The following ZNRF3 variants were observed in gnomAD, a reference collection of about 807,000 sequenced individuals.
The protein encoded by ZNRF3 is zinc and ring finger 3.
Under a neutral mutation model 72.5 loss-of-function variants are expected in ZNRF3, and 23 were observed. The ratio of observed to expected loss-of-function variants is 0.32; its 90% CI spans 0.23 to 0.45. The LOEUF (loss-of-function observed/expected upper bound fraction) is 0.45. Among genes scored for constraint, ZNRF3 ranks in the 20% least tolerant of loss-of-function variants. ZNRF3 has a pLI of 1.00. For missense variants in ZNRF3, 1,169 were observed against 1,272.1 expected, an observed-to-expected ratio of 0.92 and a Z score of 1.23; for synonymous variants, 610 against 545.3, an observed-to-expected ratio of 1.12 and a Z score of -1.65.
In ZNRF3 at chr22:29,030,899, C is replaced by T. The variant is rs1370711164; in HGVS notation, c.427-11596C>T. ...GTGGCTTCAGCGCTTTGATCTCCTG[C>T]CAGGGAAACCTGGAAGGTCAGGCCG... is the stretch of plus-strand genomic sequence containing the variant. On this transcript the variant is annotated intron_variant, in intron 2 of 8. Coordinates refer to ENST00000544604, the MANE Select transcript of ZNRF3 (RefSeq NM_001206998.2). The surrounding 1 kb of genome is among the most constrained non-coding windows in gnomAD (Gnocchi z 4.2). Among the ~76,000 whole-genome samples, 2 of 152,188 alleles carry T rather than the reference C, an allele frequency of 1.3e-5. No homozygotes were observed. Among genetic ancestry groups the T allele is most frequent in the East Asian group, 3.9e-4 (2 of 5,194 alleles).
chr22:28,939,215 C>T (rs747489803), intron 1 of ZNRF3, among the ~76,000 whole-genome samples: 6 of 144,826 alleles, frequency 4.1e-5, no homozygotes, highest in East Asian at 2.1e-4. Context: ...ATTTGGGAGG[C>T]GGAGGTAGCA....
chr22:28,998,508 A>C (rs1378729132), intron 2 of ZNRF3, among the ~76,000 whole-genome samples: 2 of 152,194 alleles, frequency 1.3e-5, no homozygotes, highest in African/African-American at 4.8e-5. Flanking sequence ...TTAAAACCGG[A>C]TGCAAGCAAG....
intron 1 of ZNRF3, among the ~76,000 whole-genome samples, chr22:28,905,798 A>G (rs1468195561): frequency 6.6e-6 from 1 of 152,204 alleles, no homozygotes; most frequent in African/African-American, 2.4e-5. Flanking sequence ...TGAATACACT[A>G]TTCTTGGGAC....
chr22:29,024,772 A>T (rs2036598290), intron 2 of ZNRF3, among the ~76,000 whole-genome samples: 1 of 152,032 alleles, frequency 6.6e-6, no homozygotes, highest in South Asian at 2.1e-4. Flanking sequence ...GGATTAGGGA[A>T]CCCCTTCCAG....
intron 1 of ZNRF3, among the ~76,000 whole-genome samples, chr22:28,966,867 C>CTTTTTTTTTTTTTTTT (rs530036984): frequency 4.9e-5 from 5 of 102,434 alleles, no homozygotes; most frequent in African/African-American, 2.0e-4. Flanking sequence ...TTTTAAAAAT[C>CTTTTTTTTTTTTTTTT]TTTTTTTTTT....
At chr22:28,923,232 G>A (rs1324267810) in intron 1 of ZNRF3, among the ~76,000 whole-genome samples, 1 of 152,124 alleles carries the variant, frequency 6.6e-6, no homozygotes, top group Admixed American at 6.5e-5. Flanking sequence ...TGTGTTCATG[G>A]GTATTTTTCT....
chr22:28,909,895 G>A (rs930773138), intron 1 of ZNRF3, among the ~76,000 whole-genome samples: 3 of 150,964 alleles, frequency 2.0e-5, no homozygotes, highest in Non-Finnish European at 3.0e-5. Context: ...GGCTGGTCAC[G>A]CCCAGCTAAT....
intron 1 of ZNRF3, among the ~76,000 whole-genome samples, chr22:28,961,766 G>A (rs2035363904): frequency 6.6e-6 from 1 of 152,202 alleles, no homozygotes; most frequent in East Asian, 1.9e-4. Context: ...ATTAATGGCA[G>A]CCTGAGCTTC....
Position 29,050,367 on chromosome 22 carries a change from G to T in ZNRF3, c.2186G>T (p.Gly729Val). ...SPAGPSAGAA[G>V]SSTLFLGPHL... ...GCCGGGCCTAGCGCCGGAGCAGCTG[G>T]CAGCAGCACCTTGTTCCTGGGGCCC... The change falls in exon 8 of 9, where the codon GGC becomes GTC. Residue 729 changes from glycine to valine, a missense_variant. This residue lies in a region of ZNRF3 where 783 missense variants were observed against 731.4 expected (regional missense o/e 1.07). Transcript: ENST00000544604. The T allele has an allele frequency of 6.2e-7, 1 of 1,603,744 alleles. No homozygotes were observed. The highest frequency in any genetic ancestry group is 1.3e-5 in the African/African-American group (1 of 74,910).
At chr22:28,891,558 G>A (rs1302444090) in intron 1 of ZNRF3, among the ~76,000 whole-genome samples, 1 of 152,254 alleles carries the variant, frequency 6.6e-6, no homozygotes, top group East Asian at 1.9e-4. Context: ...TAGATGGCAT[G>A]TGCCAGAGAG....
At chr22:28,952,042 C>T (rs1461644221) in intron 1 of ZNRF3, among the ~76,000 whole-genome samples, 3 of 152,182 alleles carry the variant, frequency 2.0e-5, no homozygotes, top group Non-Finnish European at 2.9e-5. Context: ...TTCTTTTCTC[C>T]GAGTGCATTC....
At chr22:28,963,241 C>A (rs1266484826) in intron 1 of ZNRF3, among the ~76,000 whole-genome samples, 1 of 152,190 alleles carries the variant, frequency 6.6e-6, no homozygotes, top group Non-Finnish European at 1.5e-5. Flanking sequence ...AGAGATGAAT[C>A]CTGAATGGGC....
chr22:28,899,678 C>T (rs1045142321), intron 1 of ZNRF3, among the ~76,000 whole-genome samples: 2 of 147,274 alleles, frequency 1.4e-5, no homozygotes, highest in Non-Finnish European at 3.0e-5. Flanking sequence ...TCTTTCTTTT[C>T]TTCTTTCTTT....
intron 1 of ZNRF3, among the ~76,000 whole-genome samples, chr22:28,952,783 G>A (rs2035188536): frequency 6.6e-6 from 1 of 152,116 alleles, no homozygotes; most frequent in African/African-American, 2.4e-5. Flanking sequence ...GTTTATGAAG[G>A]TATATTAGGT....
intron 1 of ZNRF3, among the ~76,000 whole-genome samples, chr22:28,945,319 T>C (rs2035034081): frequency 6.6e-6 from 1 of 152,182 alleles, no homozygotes. Context: ...TCTAGATTGT[T>C]TGAGGATACT....
chr22:28,938,943 G>A (rs1042578571), intron 1 of ZNRF3, among the ~76,000 whole-genome samples: 1 of 152,150 alleles, frequency 6.6e-6, no homozygotes, highest in Non-Finnish European at 1.5e-5. Context: ...CTGTTTAGCT[G>A]TGTGACTCTA....
chr22:29,012,048 G>A (rs2036356836), intron 2 of ZNRF3, among the ~76,000 whole-genome samples: 1 of 152,218 alleles, frequency 6.6e-6, no homozygotes, highest in Admixed American at 6.5e-5. Flanking sequence ...GAGCAGCTGG[G>A]TCACCTGGAT....
In ZNRF3 at chr22:28,944,507, CA is replaced by C. The variant is rs541035271; in HGVS notation, c.301-42568del. On this transcript the variant is annotated intron_variant, in intron 1 of 8. Coordinates refer to ENST00000544604, the MANE Select transcript of ZNRF3 (RefSeq NM_001206998.2). ...CGGTGGCTCACGCCTGTAATCCCAG[CA>C]CTCTGGGAGGCCGAGGCAGGTGGAT... Among the ~76,000 whole-genome samples, 443 of 152,270 alleles carry C rather than the reference CA, an allele frequency of 2.9e-3. 7 individuals carry two copies. The highest frequency in any genetic ancestry group is 3.4e-4 in the Non-Finnish European group (23 of 68,024).
chr22:28,909,929 G>A (rs2034286099), intron 1 of ZNRF3, among the ~76,000 whole-genome samples: 1 of 151,584 alleles, frequency 6.6e-6, no homozygotes, highest in Non-Finnish European at 1.5e-5. Flanking sequence ...TCTAGAGACA[G>A]GGGTCTTACT....
Sources: gnomAD v4.1 joint callset for allele counts (sites outside exome capture counted in the v4.1 genomes callset) on GRCh38, gnomAD v4.1.1 for gene constraint, gnomAD v4.1.1 regional missense constraint, Gnocchi (gnomAD v3.1) non-coding constraint, MANE v1.5 for transcripts, NCBI Gene and HGNC (gene_info 2026-07-23, HGNC 2026-07-21) for gene names.